Variants in RRP12 observed in about 807,000 individuals in gnomAD.
RRP12 encodes RRP12-like protein.
RRP12 carries 78 observed loss-of-function variants against 157.3 expected under a neutral mutation model. That is an observed-to-expected ratio of 0.50 (90% CI 0.41 to 0.60). The LOEUF (loss-of-function observed/expected upper bound fraction) is 0.60, where lower values mean the gene tolerates loss of function less well. Ranked by LOEUF, RRP12 falls within the 20% of genes least tolerant of loss-of-function variation. RRP12 has a pLI of 0.00. For missense variants in RRP12, 1,521 were observed against 1,679.9 expected, an observed-to-expected ratio of 0.91 and a Z score of 1.65; for synonymous variants, 726 against 670.9, an observed-to-expected ratio of 1.08 and a Z score of -1.27.
chr10:97,356,827 C>G lies in RRP12; in HGVS notation c.*267G>C, dbSNP rs1468236467. 2.6e-6 allele frequency: 1 copy of G among 391,380 alleles called. No homozygotes were observed. The highest frequency in any genetic ancestry group is 4.5e-6 in the Non-Finnish European group (1 of 220,124). The allele number at this position is 391,380 out of a possible 1,614,324, so 24.2% of individuals were successfully genotyped here. ...TCATCTGTTCTGGTGCTCATGGCCACTCTGGGCAGAAAGCAAAGGTGCCTC... is the reference window on the plus strand; with the variant it reads ...TCATCTGTTCTGGTGCTCATGGCCAGTCTGGGCAGAAAGCAAAGGTGCCTC... On this transcript the variant is annotated 3_prime_UTR_variant, in exon 34 of 34. Transcript: ENST00000370992.
At chr10:97,376,652 G>A (rs1484064328) in intron 15 of RRP12, among the ~76,000 whole-genome samples, 1 of 152,074 alleles carries the variant, frequency 6.6e-6, no homozygotes, top group Non-Finnish European at 1.5e-5. Context: ...AGGTCGTCCT[G>A]TGCATTGCAG....
At chr10:97,367,469 G>C in intron 25 of RRP12, 2 of 339,692 alleles carry the variant, frequency 5.9e-6, no homozygotes, top group Non-Finnish European at 1.1e-5. Flanking sequence ...TATAGAAGAG[G>C]ACACGGCGGC....
chr10:97,371,856 G>C (rs1271529876), intron 20 of RRP12: 1 of 479,542 alleles, frequency 2.1e-6, no homozygotes. Flanking sequence ...CACTCAGCAC[G>C]CAAGGCCTAA....
chr10:97,390,646 G>A (rs1844777511), intron 5 of RRP12, 93 bp downstream of exon 5: 11 of 1,330,808 alleles, frequency 8.3e-6, no homozygotes, highest in Non-Finnish European at 1.2e-5. Flanking sequence ...GGTCCCCAGG[G>A]TGCCTAAACC....
intron 4 of RRP12, 28 bp from the exon 5 acceptor site, chr10:97,390,872 C>T (rs1283441976): frequency 6.8e-7 from 1 of 1,464,168 alleles, no homozygotes; most frequent in Non-Finnish European, 9.6e-7. Context: ...GATGGTCACC[C>T]CAGAGGGTCC....
Position 97,388,333 on chromosome 10 carries a change from CT to C in RRP12, c.935del (p.Lys312ArgfsTer12). The C allele has an allele frequency of 1.2e-6, 2 of 1,613,988 alleles. No individual in the cohort carries two copies. The highest frequency in any genetic ancestry group is 1.7e-6 in the Non-Finnish European group (2 of 1,180,028). On this transcript the variant is annotated frameshift_variant, in exon 8 of 34. Transcript: ENST00000370992. LOFTEE classifies it high-confidence loss of function. ...CTTCCGGGAAGCAGGGCAGCAGGTC[CT>C]TCAGCAGCGTCAGCATGTGCAGCGT... ...TTTLHMLTLL[K>X]DLLPCFPEGL...
At chr10:97,369,627 C>T in intron 24 of RRP12, 45 bp from the exon 25 acceptor site, 5 of 1,535,420 alleles carry the variant, frequency 3.3e-6, no homozygotes, top group Non-Finnish European at 4.4e-6. Context: ...CAGGACCCCA[C>T]TCAGACCCAA....
chr10:97,398,039 A>AT (rs1184698036), intron 2 of RRP12, among the ~76,000 whole-genome samples: 1,864 of 56,040 alleles, frequency 0.033, 337 homozygotes, highest in East Asian at 0.092. Flanking sequence ...ATATATACGT[A>AT]TTTTTTTTTT....
Position 97,357,037 on chromosome 10 carries a change from C to G in RRP12, c.*57G>C, listed in dbSNP as rs41284268. On this transcript the variant is annotated 3_prime_UTR_variant, in exon 34 of 34. Coordinates refer to ENST00000370992, the MANE Select transcript of RRP12 (RefSeq NM_015179.4). Reference sequence around the variant, plus strand: ...GCACCTGGAGCTGGTGGCAAGGCAGCCTGGGGGCTGAAAGGGCCTCAGACT... The same window carrying G: ...GCACCTGGAGCTGGTGGCAAGGCAGGCTGGGGGCTGAAAGGGCCTCAGACT... 3.0e-6 allele frequency: 3 copies of G among 1,014,364 alleles called. No homozygotes were observed. Among genetic ancestry groups the G allele is most frequent in the Non-Finnish European group, 4.6e-6 (3 of 658,070 alleles). 62.8% of individuals were successfully genotyped at this position (1,014,364 alleles called of 1,614,324 possible). A position where few individuals can be genotyped will look rare whatever the true frequency, so the allele number is the denominator to read the frequency against.
At chr10:97,393,405 A>G in intron 4 of RRP12, 1 of 593,630 alleles carries the variant, frequency 1.7e-6, no homozygotes, top group East Asian at 3.7e-5. Flanking sequence ...CTGCCTGGAC[A>G]CACACCACGT....
intron 20 of RRP12, 89 bp downstream of exon 20, chr10:97,371,984 G>C (rs1589419951): frequency 1.2e-6 from 1 of 850,650 alleles, no homozygotes; most frequent in East Asian, 2.5e-5. Flanking sequence ...AAGCAGCAAG[G>C]GACAAAGACA....
chr10:97,360,563 A>G lies in RRP12; in HGVS notation c.3623T>C (p.Ile1208Thr), dbSNP rs1843816030. The change falls in exon 31 of 34, where the codon ATA becomes ACA. Residue 1208 changes from isoleucine (I) to threonine (T), a missense_variant. Transcript: ENST00000370992. ...QKEAEEEELE[I>T]PPQYQAGGSG... is the part of the protein sequence containing the mutation. The stretch of plus-strand genomic sequence containing the variant: ...AGCCTCACCTTGGTACTGAGGGGGT[A>G]TCTCCAGCTCCTCCTCCTCAGCCTC... 3 of 1,613,654 alleles carry G rather than the reference A, an allele frequency of 1.9e-6. No homozygotes were observed. The highest frequency in any genetic ancestry group is 2.5e-6 in the Non-Finnish European group (3 of 1,179,590).
Position 97,400,413 on chromosome 10 carries a change from G to T in RRP12, c.261C>A (p.Leu87=). 6.2e-7 allele frequency: 1 copy of T among 1,614,110 alleles called. No homozygotes were observed. The highest frequency in any genetic ancestry group is 8.5e-7 in the Non-Finnish European group (1 of 1,180,020). The change falls in exon 2 of 34, where the codon CTC becomes CTA. Residue 87 remains leucine (L), a synonymous_variant. Transcript: ENST00000370992. ...TPMEEEAELV[L]TEKSSGTFLS... ...GGAAGGTACCCGAGGACTTCTCGGT[G>T]AGAACCAGCTCCGCCTCTTCTTCCA...
chr10:97,378,617 G>A (rs1844375506), intron 15 of RRP12, among the ~76,000 whole-genome samples: 1 of 152,124 alleles, frequency 6.6e-6, no homozygotes, highest in African/African-American at 2.4e-5. Flanking sequence ...AGCACTTTGG[G>A]AGGCCGAGGC....
At chr10:97,379,193 G>T in intron 15 of RRP12, 100 bp downstream of exon 15, 1 of 1,383,630 alleles carries the variant, frequency 7.2e-7, no homozygotes. Flanking sequence ...ACGTCTTGAA[G>T]GCTGGGTGTG....
rs186460428 is a variant in RRP12, at chr10:97,400,729, G to C, written c.140-195C>G. 3.6e-3 allele frequency among the ~76,000 whole-genome samples: 548 copies of C among 152,250 alleles called. 4 individuals carry two copies. The highest frequency in any genetic ancestry group is 0.012 in the African/African-American group (500 of 41,548). On this transcript the variant is annotated intron_variant, in intron 1 of 33. Coordinates refer to ENST00000370992, the MANE Select transcript of RRP12 (RefSeq NM_015179.4). ...GAGAAAGGGAATCCTCCATGTAAAAGTTTCTGCTTCCCTGTAGCAGCGGCA... is the reference window on the plus strand; with the variant it reads ...GAGAAAGGGAATCCTCCATGTAAAACTTTCTGCTTCCCTGTAGCAGCGGCA...
intron 4 of RRP12, among the ~76,000 whole-genome samples, chr10:97,391,291 G>T (rs1426259513): frequency 2.0e-5 from 3 of 152,200 alleles, no homozygotes; most frequent in African/African-American, 7.2e-5. Context: ...AAAATTTCTG[G>T]CCAGGCATGG....
intron 14 of RRP12, 39 bp from the exon 15 acceptor site, chr10:97,379,453 G>C (rs773111391): frequency 1.2e-6 from 2 of 1,612,238 alleles, no homozygotes; most frequent in South Asian, 2.2e-5. Context: ...AGGATGAGGG[G>C]ACAGCCCTGA....
Position 97,381,495 on chromosome 10 carries a change from G to C in RRP12, c.1321-12C>G. The C allele has an allele frequency of 6.3e-7, 1 of 1,598,346 alleles. No homozygotes were observed. The highest frequency in any genetic ancestry group is 1.7e-4 in the Middle Eastern group (1 of 6,016). On this transcript the variant is annotated splice_polypyrimidine_tract_variant and intron_variant, in intron 11 of 33. Coordinates refer to ENST00000370992, the MANE Select transcript of RRP12 (RefSeq NM_015179.4). Reference sequence around the variant, plus strand: ...TCCTTCAGGATCTCCTGCGAAGAGAGGCCACAGGCTTTCTGGGCCCAAGGC... The same window carrying C: ...TCCTTCAGGATCTCCTGCGAAGAGACGCCACAGGCTTTCTGGGCCCAAGGC...
Sources: allele counts gnomAD v4.1 joint callset (sites outside exome capture counted in the v4.1 genomes callset), GRCh38; gene constraint gnomAD v4.1.1; transcripts MANE v1.5; gene names NCBI Gene and HGNC (gene_info 2026-07-23, HGNC 2026-07-21).